MYO18B: variants seen among roughly 807,000 people sequenced by gnomAD.
MYO18B encodes the protein myosin XVIIIB.
In MYO18B, 204 loss-of-function variants were observed where a neutral mutation model predicts 273.0. The ratio of observed to expected loss-of-function variants is 0.75; its 90% CI spans 0.67 to 0.84. The LOEUF is 0.84. Ranked by LOEUF, MYO18B falls within the 40% of genes least tolerant of loss-of-function variation. The pLI is 0.00. For missense variants in MYO18B, 3,212 were observed against 3,287.6 expected (o/e 0.98, Z 0.56); for synonymous variants, 1,330 against 1,305.7 (o/e 1.02, Z -0.40).
chr22:25,946,715 C>T (rs982253528), intron 35 of MYO18B, among the ~76,000 whole-genome samples: 3 of 152,178 alleles, frequency 2.0e-5, no homozygotes, highest in African/African-American at 7.2e-5. Context: ...GGTTCTCAGA[C>T]ATCTGCTGTG....
At chr22:25,780,740 G>A (rs945452039) in intron 9 of MYO18B, among the ~76,000 whole-genome samples, 4 of 152,268 alleles carry the variant, frequency 2.6e-5, no homozygotes, top group Admixed American at 1.3e-4. Context: ...CCCTTCTGGA[G>A]CAAGCCAGCC....
At chr22:25,981,232 G>A (rs1351158958) in intron 39 of MYO18B, among the ~76,000 whole-genome samples, 2 of 152,196 alleles carry the variant, frequency 1.3e-5, no homozygotes, top group African/African-American at 4.8e-5. Context: ...CTTCTCTGGG[G>A]ATATGATTCA....
At chr22:25,819,815 C>T (rs1410666077) in intron 12 of MYO18B, among the ~76,000 whole-genome samples, 1 of 151,850 alleles carries the variant, frequency 6.6e-6, no homozygotes, top group Non-Finnish European at 1.5e-5. Flanking sequence ...AGCCTGTTTT[C>T]TGGTGACTTC....
chr22:25,855,880 T>G (rs2090558424), intron 21 of MYO18B, among the ~76,000 whole-genome samples: 1 of 152,078 alleles, frequency 6.6e-6, no homozygotes, highest in Admixed American at 6.5e-5. Context: ...ACATGCATGT[T>G]TATTATCTAG....
chr22:25,962,586 TA>T (rs1312143194), intron 39 of MYO18B, among the ~76,000 whole-genome samples: 1 of 152,208 alleles, frequency 6.6e-6, no homozygotes, highest in Non-Finnish European at 1.5e-5. Context: ...ATGGATGGAC[TA>T]GGGACTGTGC....
At chr22:25,924,294 G>C (rs2092390169) in intron 34 of MYO18B, among the ~76,000 whole-genome samples, 1 of 152,164 alleles carries the variant, frequency 6.6e-6, no homozygotes, top group Non-Finnish European at 1.5e-5. Flanking sequence ...GAAGGAAGAG[G>C]GAGCTAACTT....
intron 20 of MYO18B, among the ~76,000 whole-genome samples, chr22:25,849,542 C>A (rs892690756): frequency 6.6e-6 from 1 of 152,136 alleles, no homozygotes; most frequent in African/African-American, 2.4e-5. Context: ...GTACCTACTA[C>A]GTACTAGACA....
intron 17 of MYO18B, among the ~76,000 whole-genome samples, chr22:25,841,322 C>A (rs1016294569): frequency 1.1e-4 from 16 of 152,190 alleles, no homozygotes; most frequent in African/African-American, 3.6e-4. Context: ...CATGGGGCTC[C>A]TGAAAGCCAA....
chr22:25,934,605 A>G (rs532226780), intron 34 of MYO18B, among the ~76,000 whole-genome samples: 2 of 152,346 alleles, frequency 1.3e-5, no homozygotes, highest in East Asian at 3.9e-4. Context: ...TTAGGGAGAC[A>G]TGAGACATCA....
chr22:25,883,041 C>T lies in MYO18B; in HGVS notation c.4314+4993C>T, dbSNP rs528078901. Reference sequence around the variant, plus strand: ...CCTCCCATGTAGCCAGGACCACAGGCGTGCATCACCATGCCTGGCTGTTTT... The same window carrying T: ...CCTCCCATGTAGCCAGGACCACAGGTGTGCATCACCATGCCTGGCTGTTTT... On this transcript the variant is annotated intron_variant, in intron 25 of 43. Coordinates refer to ENST00000335473, the MANE Select transcript of MYO18B (RefSeq NM_032608.7). This position sits in a 1 kb window ranked among gnomAD's most constrained non-coding sequence, Gnocchi z 7.6. Among the ~76,000 whole-genome samples, 9 of 152,208 alleles carry T rather than the reference C, an allele frequency of 5.9e-5. No individual in the cohort carries two copies. The East Asian group carries it at 7.7e-4, about 13-fold the overall frequency.
At position 25,847,671 on chromosome 22, in the gene MYO18B, A is replaced by G. The variant is rs1411221901; in HGVS notation, c.3775+19A>G. 6.5e-7 allele frequency: 1 copy of G among 1,530,520 alleles called. No individual in the cohort carries two copies. The highest frequency in any genetic ancestry group is 1.4e-5 in the African/African-American group (1 of 72,820). The allele number at this position is 1,530,520 out of a possible 1,614,324, so 94.8% of individuals were successfully genotyped here. On this transcript the variant is annotated intron_variant, in intron 20 of 43. Coordinates refer to ENST00000335473, the MANE Select transcript of MYO18B (RefSeq NM_032608.7). ...AGGACAGGTAAGAGACAGCTAGGACACAGCACCTTGTCTCTGACTCCTGGG... is the reference window on the plus strand; with the variant it reads ...AGGACAGGTAAGAGACAGCTAGGACGCAGCACCTTGTCTCTGACTCCTGGG...
rs182929067 is a variant in MYO18B at position 26,021,951 on chromosome 22, C to T, written c.6471-4494C>T. On this transcript the variant is annotated intron_variant, in intron 42 of 43. Transcript: ENST00000335473. ...ATCCACTAAGTTATAGAACCAGCCC[C>T]GGCATCTTTGTGGCTGGATGCTTAT... 4.6e-5 allele frequency among the ~76,000 whole-genome samples: 7 copies of T among 152,304 alleles called. No individual in the cohort carries two copies. In the East Asian group the frequency reaches 1.4e-3, roughly 29 times the overall value.
chr22:25,787,097 T>G (rs190211436), intron 11 of MYO18B, among the ~76,000 whole-genome samples: 220 of 152,012 alleles, frequency 1.4e-3, no homozygotes, highest in Non-Finnish European at 2.4e-3. Flanking sequence ...TGCCTGTAGT[T>G]CCAGCTGCTT....
At chr22:26,053,468 A>C in the MYO18B span, among the ~76,000 whole-genome samples, 4 of 152,224 alleles carry the variant, frequency 2.6e-5, no homozygotes, top group Non-Finnish European at 4.4e-5. Context: ...TGTCTATTTC[A>C]AAAGCCCATG....
At chr22:26,012,796 T>A (rs533930893) in intron 42 of MYO18B, among the ~76,000 whole-genome samples, 74 of 152,334 alleles carry the variant, frequency 4.9e-4, no homozygotes, top group African/African-American at 1.7e-3. Flanking sequence ...AAATCTGTGG[T>A]TCTCTGATTA....
In MYO18B at chr22:25,961,640, C is replaced by CA. The variant is rs143349582; in HGVS notation, c.6156+6276_6156+6277insA. Among the ~76,000 whole-genome samples, 1,031 of 152,268 alleles carry CA rather than the reference C, an allele frequency of 6.8e-3. 12 individuals are homozygous for CA. The highest frequency in any genetic ancestry group is 0.021 in the South Asian group (100 of 4,808). ...GTTGTTTTTCAGTAGTTACAGGGCC[C>CA]GGGGAACCACCCTGGCCCCAGAACT... On this transcript the variant is annotated intron_variant, in intron 39 of 43. Transcript: ENST00000335473.
intron 34 of MYO18B, among the ~76,000 whole-genome samples, chr22:25,927,054 G>A (rs1406520040): frequency 1.3e-5 from 2 of 152,142 alleles, no homozygotes; most frequent in African/African-American, 4.8e-5. Flanking sequence ...AATCCTGTCA[G>A]CTGAGGAGGA....
In MYO18B at chr22:25,895,260, A is replaced by C. The variant is rs772002542; in HGVS notation, c.4648A>C (p.Arg1550=). ...EERLDSELTA[R]KELEQKLGEL... ...GAGGCTGGACTCGGAGCTGACAGCC[A>C]GGAAAGAGCTGGAGCAAAAGGTAAG... Residue 1550 remains arginine, a synonymous_variant, in exon 28 of 44, where the codon AGG becomes CGG. Coordinates refer to ENST00000335473, the MANE Select transcript of MYO18B (RefSeq NM_032608.7). The C allele has an allele frequency of 1.2e-6, 2 of 1,603,412 alleles. No homozygotes were observed.
chr22:26,046,994 C>T, the MYO18B span, among the ~76,000 whole-genome samples: 3 of 152,242 alleles, frequency 2.0e-5, no homozygotes, highest in African/African-American at 7.2e-5. Context: ...GCTGCTTAGG[C>T]TTCCTCCAAC....
Sources: gnomAD v4.1 joint callset for allele counts (sites outside exome capture counted in the v4.1 genomes callset) on GRCh38, gnomAD v4.1.1 for gene constraint, Gnocchi (gnomAD v3.1) non-coding constraint, MANE v1.5 for transcripts, NCBI Gene and HGNC (gene_info 2026-07-23, HGNC 2026-07-21) for gene names.